Variants in IFT74 observed in about 807,000 individuals in gnomAD.
IFT74 encodes intraflagellar transport 74.
A neutral mutation model predicts 96.7 loss-of-function variants in IFT74; 92 were observed. That is an observed-to-expected ratio of 0.95 (90% confidence interval 0.80 to 1.13). The LOEUF (loss-of-function observed/expected upper bound fraction) is 1.13. Ranked by LOEUF, IFT74 falls within the 50% of genes most tolerant of loss-of-function variation. The pLI is 0.00. For synonymous variants in IFT74, 223 were observed against 213.2 expected (o/e 1.05, Z -0.40); for missense variants, 811 against 698.2 (o/e 1.16, Z -1.82).
intron 12 of IFT74, among the ~76,000 whole-genome samples, chr9:27,021,437 T>C (rs1829597106): frequency 6.6e-6 from 1 of 152,226 alleles, no homozygotes; most frequent in Non-Finnish European, 1.5e-5. Context: ...TGTACTACTT[T>C]ATATTTCCAC....
chr9:27,002,736 T>C (rs1235285262), intron 8 of IFT74, among the ~76,000 whole-genome samples: 1 of 152,370 alleles, frequency 6.6e-6, no homozygotes, highest in South Asian at 2.1e-4. Flanking sequence ...GCCTCCAGCT[T>C]TGTTCCTTTT....
At chr9:26,953,095 G>A (rs1825983765), upstream of IFT74, among the ~76,000 whole-genome samples, 1 of 152,110 alleles carries the variant, frequency 6.6e-6, no homozygotes, top group Non-Finnish European at 1.5e-5. Context: ...AGTTAGGAGT[G>A]GTGTTCTTCC....
chr9:27,028,814 C>T (rs1022802034), intron 12 of IFT74: 2 of 384,460 alleles, frequency 5.2e-6, no homozygotes, highest in Non-Finnish European at 9.1e-6. Flanking sequence ...TAGTATTGTC[C>T]TCATAATAGG....
chr9:26,996,495 A>C lies in IFT74; in HGVS notation c.587+6300A>C, dbSNP rs755764638. 11 of 1,431,506 alleles carry C rather than the reference A, an allele frequency of 7.7e-6. No homozygotes were observed. Among genetic ancestry groups the C allele is most frequent in the Admixed American group, 4.7e-5 (2 of 42,374 alleles). 88.7% of individuals were successfully genotyped at this position (1,431,506 alleles called of 1,614,324 possible). On this transcript the variant is annotated intron_variant, in intron 8 of 19. Coordinates refer to ENST00000380062, the MANE Select transcript of IFT74 (RefSeq NM_025103.4). The stretch of plus-strand genomic sequence containing the variant: ...GGTAGCTACACATGGTGATGTTCTC[A>C]TTTTCTAGTAAATCAGAAAGAATAA...
At chr9:26,961,562 A>G (rs192139883) in intron 1 of IFT74, among the ~76,000 whole-genome samples, 2 of 152,290 alleles carry the variant, frequency 1.3e-5, no homozygotes, top group Non-Finnish European at 2.9e-5. Context: ...AAGAAAATAG[A>G]AAGTATTTGT....
At chr9:26,994,536 CAAAAAAAAAA>C (rs1170964624) in intron 8 of IFT74, 2 of 58,322 alleles carry the variant, frequency 3.4e-5, no homozygotes, top group East Asian at 5.9e-4. Flanking sequence ...GACTTTGTCT[CAAAAAAAAAA>C]AAAAAAAAAA....
chr9:27,027,551 A>G (rs1587378705), intron 12 of IFT74, among the ~76,000 whole-genome samples: 1 of 151,930 alleles, frequency 6.6e-6, no homozygotes, highest in Non-Finnish European at 1.5e-5. Flanking sequence ...TTTGATTTGT[A>G]TTTGTTTGAT....
chr9:27,065,761 T>G lies in IFT74; in HGVS notation c.*3025T>G, dbSNP rs941132389. On this transcript the variant is annotated 3_prime_UTR_variant, in exon 20 of 20. Transcript: ENST00000380062. ...TTCCTTTTGCTATACAATTGCAGTG[T>G]AAACAACCTTAGGGAAATTATAATG... Among the ~76,000 whole-genome samples, 7 of 152,194 alleles carry G rather than the reference T, an allele frequency of 4.6e-5. No homozygotes were observed. Among genetic ancestry groups the G allele is most frequent in the African/African-American group, 1.7e-4 (7 of 41,452 alleles).
At chr9:26,963,283 T>C (rs1435461535) in intron 2 of IFT74, among the ~76,000 whole-genome samples, 3 of 151,956 alleles carry the variant, frequency 2.0e-5, no homozygotes, top group South Asian at 2.1e-4. Context: ...ACAAAGGACA[T>C]GAACTCATCA....
intron 12 of IFT74, among the ~76,000 whole-genome samples, chr9:27,019,696 C>A (rs1013682958): frequency 7.3e-5 from 11 of 151,488 alleles, no homozygotes; most frequent in African/African-American, 2.4e-4. Context: ...GATGTATGGG[C>A]TGTTACCATT....
chr9:26,999,613 C>T, intron 8 of IFT74: 1 of 1,581,782 alleles, frequency 6.3e-7, no homozygotes, highest in Non-Finnish European at 8.6e-7. Context: ...TAAAAACTTA[C>T]TCTTTTAGAA....
chr9:27,051,901 TTTTCA>T (rs1819937439), intron 16 of IFT74, among the ~76,000 whole-genome samples: 1 of 152,214 alleles, frequency 6.6e-6, no homozygotes, highest in Non-Finnish European at 1.5e-5. Context: ...CAGGATCCTA[TTTTCA>T]TTTCTTTTGG....
chr9:27,030,385 A>G (rs755115968), intron 13 of IFT74, among the ~76,000 whole-genome samples: 39 of 151,924 alleles, frequency 2.6e-4, no homozygotes, highest in Non-Finnish European at 4.6e-4. Context: ...CTGCCACTAC[A>G]TCCAGCTAAG....
In IFT74 at chr9:27,063,357, A is replaced by G. The variant is rs531154098; in HGVS notation, c.*621A>G. ...ATATACCTGGAAGAACATTAGGTAA[A>G]AGACTACATTTATAGTGGGCTGTTT... On this transcript the variant is annotated 3_prime_UTR_variant, in exon 20 of 20. Coordinates refer to ENST00000380062, the MANE Select transcript of IFT74 (RefSeq NM_025103.4). 6.6e-6 allele frequency among the ~76,000 whole-genome samples: 1 copy of G among 152,300 alleles called. No individual in the cohort carries two copies. Among genetic ancestry groups the G allele is most frequent in the East Asian group, 1.9e-4 (1 of 5,196 alleles).
intron 16 of IFT74, among the ~76,000 whole-genome samples, chr9:27,048,700 G>A (rs922311653): frequency 6.6e-6 from 1 of 152,198 alleles, no homozygotes; most frequent in African/African-American, 2.4e-5. Context: ...GTTCATCAAT[G>A]TACATGCTGG....
chr9:26,953,694 A>AG (rs562636268), upstream of IFT74, among the ~76,000 whole-genome samples: 3,114 of 149,186 alleles, frequency 0.021, 24 homozygotes, highest in African/African-American at 0.031. Flanking sequence ...CATTTTTTGT[A>AG]GGGGGGGGGT....
chr9:27,039,652 T>C (rs1347977161), intron 13 of IFT74, among the ~76,000 whole-genome samples: 1 of 152,232 alleles, frequency 6.6e-6, no homozygotes, highest in Non-Finnish European at 1.5e-5. Flanking sequence ...CATTATTCCC[T>C]AGACAACACA....
intron 13 of IFT74, among the ~76,000 whole-genome samples, chr9:27,038,128 G>A (rs142883178): frequency 6.6e-6 from 1 of 152,158 alleles, no homozygotes; most frequent in South Asian, 2.1e-4. Flanking sequence ...ATGTAGTTGT[G>A]CTTTTTACAG....
Position 27,018,663 on chromosome 9 carries a change from A to G in IFT74, c.950A>G (p.Gln317Arg), listed in dbSNP as rs536411146. The G allele has an allele frequency of 2.6e-6, 4 of 1,525,702 alleles. No individual in the cohort carries two copies. In the African/African-American group the frequency reaches 5.5e-5, roughly 21 times the overall value. The allele number at this position is 1,525,702 out of a possible 1,614,324, so 94.5% of individuals were successfully genotyped here. The part of the protein sequence containing the change: ...KLLKQIKDDN[Q>R]EIASMERQLT... ...CCTTTGTAGATTAAAGATGATAATC[A>G]GGAAATAGCCAGCATGGAAAGACAG... The change falls in exon 12 of 20, where the codon CAG becomes CGG. Residue 317 changes from glutamine (Q) to arginine (R), a missense_variant. Transcript: ENST00000380062.
Sources: allele counts gnomAD v4.1 joint callset (sites outside exome capture counted in the v4.1 genomes callset), GRCh38; gene constraint gnomAD v4.1.1; transcripts MANE v1.5; gene names NCBI Gene and HGNC (gene_info 2026-07-23, HGNC 2026-07-21).